Variants in ZC3H12B observed in about 807,000 individuals in gnomAD.
The protein encoded by ZC3H12B is zinc finger CCCH-type containing 12B.
In ZC3H12B, 7 loss-of-function variants were observed where a neutral mutation model predicts 43.9. The observed-to-expected ratio is 0.16, with a 90% CI of 0.09 to 0.30. ZC3H12B has a LOEUF of 0.30. Ranked by LOEUF, ZC3H12B falls within the 10% of genes least tolerant of loss-of-function variation. The pLI is 1.00. For synonymous variants in ZC3H12B, 222 were observed against 241.7 expected (o/e 0.92, Z 0.76); for missense variants, 475 against 670.2 (o/e 0.71, Z 3.22).
the ZC3H12B span, among the ~76,000 whole-genome samples, chrX:65,215,407 G>A: frequency 9.0e-6 from 1 of 111,452 alleles, no homozygotes; most frequent in African/African-American, 3.3e-5. Flanking sequence ...TTCTCCATTA[G>A]CATGTGCTGC....
chrX:65,230,754 A>G, the ZC3H12B span, among the ~76,000 whole-genome samples: 3 of 111,466 alleles, frequency 2.7e-5, no homozygotes, highest in Admixed American at 1.9e-4. Context: ...TTGTATCAAC[A>G]TCAGACCTTT....
At chrX:65,229,527 G>C in the ZC3H12B span, among the ~76,000 whole-genome samples, 31 of 111,112 alleles carry the variant, frequency 2.8e-4, no homozygotes, top group African/African-American at 1.0e-3. Flanking sequence ...AGCCAAAATT[G>C]ACAAGTGGGA....
the ZC3H12B span, among the ~76,000 whole-genome samples, chrX:65,247,721 G>T: frequency 8.9e-6 from 1 of 111,786 alleles, no homozygotes; most frequent in Non-Finnish European, 1.9e-5. Flanking sequence ...ACACACTGGG[G>T]ACTGTTGGTG....
At chrX:65,386,710 C>T (rs1326743296) in intron 2 of ZC3H12B, among the ~76,000 whole-genome samples, 3 of 111,270 alleles carry the variant, frequency 2.7e-5, no homozygotes, top group Admixed American at 9.6e-5. Context: ...TTTGCTCTTG[C>T]TTCTCTAGTT....
chrX:65,348,962 G>A, the ZC3H12B span, among the ~76,000 whole-genome samples: 1 of 111,117 alleles, frequency 9.0e-6, no homozygotes, highest in Non-Finnish European at 1.9e-5. Context: ...ACAGATCAAC[G>A]AGACAGAAAA....
chrX:65,361,379 A>G, the ZC3H12B span, among the ~76,000 whole-genome samples: 1 of 112,094 alleles, frequency 8.9e-6, no homozygotes, highest in Non-Finnish European at 1.9e-5. Context: ...CTTGCCCCCA[A>G]TAAAAGATTT....
the ZC3H12B span, among the ~76,000 whole-genome samples, chrX:65,259,481 C>A: frequency 1.8e-5 from 2 of 111,679 alleles, no homozygotes; most frequent in Non-Finnish European, 3.8e-5. Flanking sequence ...CTAGGGAATA[C>A]CACTCTGGAT....
At chrX:65,122,732 A>T in the ZC3H12B span, among the ~76,000 whole-genome samples, 1 of 111,365 alleles carries the variant, frequency 9.0e-6, no homozygotes, top group Non-Finnish European at 1.9e-5. Context: ...AGGGGTTGCA[A>T]TCCTAGTCTG....
At chrX:65,241,983 G>C in the ZC3H12B span, among the ~76,000 whole-genome samples, 2 of 111,548 alleles carry the variant, frequency 1.8e-5, no homozygotes, top group Non-Finnish European at 3.8e-5. Flanking sequence ...TGGACCCAAG[G>C]CTTGATGGAA....
chrX:65,450,847 A>G (rs184373431), intron 3 of ZC3H12B, among the ~76,000 whole-genome samples: 328 of 81,107 alleles, frequency 4.0e-3, no homozygotes, highest in Non-Finnish European at 6.0e-3. Flanking sequence ...ATATGTATAT[A>G]TATACATATG....
chrX:65,243,136 AAGGTATT>A, the ZC3H12B span, among the ~76,000 whole-genome samples: 1 of 112,098 alleles, frequency 8.9e-6, no homozygotes, highest in African/African-American at 3.2e-5. Context: ...GTACCACATC[AAGGTATT>A]AAGCTTCTGC....
the ZC3H12B span, among the ~76,000 whole-genome samples, chrX:65,227,636 C>T: frequency 9.0e-6 from 1 of 110,887 alleles, no homozygotes; most frequent in African/African-American, 3.3e-5. Flanking sequence ...ACACTGCTAG[C>T]AAGACTAATA....
the ZC3H12B span, among the ~76,000 whole-genome samples, chrX:65,072,914 A>T: frequency 8.9e-6 from 1 of 112,660 alleles, no homozygotes; most frequent in African/African-American, 3.2e-5. Context: ...TGTTGGTGTC[A>T]GCACACAGGT....
chrX:65,502,769 C>G (rs2068385903), exon 5 of ZC3H12B: 1 of 1,209,796 alleles, frequency 8.3e-7, no homozygotes, highest in Non-Finnish European at 1.1e-6. Context: ...GGCAACCCCC[C>G]AGCCAGGCCG....
intron 2 of ZC3H12B, among the ~76,000 whole-genome samples, chrX:65,386,478 G>T (rs1221077854): frequency 9.0e-6 from 1 of 111,673 alleles, no homozygotes; most frequent in African/African-American, 3.3e-5. Context: ...TATTTCTGTG[G>T]TATCAGTGGT....
At chrX:65,253,490 G>A in the ZC3H12B span, among the ~76,000 whole-genome samples, 1 of 112,309 alleles carries the variant, frequency 8.9e-6, no homozygotes, top group Non-Finnish European at 1.9e-5. Flanking sequence ...AACAACATCC[G>A]TGGTGAAGCA....
At chrX:65,087,944 T>C in the ZC3H12B span, among the ~76,000 whole-genome samples, 3 of 112,163 alleles carry the variant, frequency 2.7e-5, no homozygotes, top group Admixed American at 1.9e-4. Context: ...ATAGAAAATA[T>C]CAGAGTGCAT....
the ZC3H12B span, among the ~76,000 whole-genome samples, chrX:65,104,970 C>A: frequency 1.8e-5 from 2 of 111,721 alleles, no homozygotes; most frequent in South Asian, 7.5e-4. Context: ...TTTATTGTAG[C>A]ACTTTTTACA....
chrX:65,464,760 CTTTTCTT>C (rs947452413), intron 3 of ZC3H12B, among the ~76,000 whole-genome samples: 7 of 109,826 alleles, frequency 6.4e-5, no homozygotes, highest in Non-Finnish European at 1.1e-4. Context: ...AGGTAGAAAA[CTTTTCTT>C]TAAGCACTGT....
Sources: gnomAD v4.1 joint callset for allele counts (sites outside exome capture counted in the v4.1 genomes callset) on GRCh38, gnomAD v4.1.1 for gene constraint, MANE v1.5 for transcripts, NCBI Gene and HGNC (gene_info 2026-07-23, HGNC 2026-07-21) for gene names.